IMMP2L: variants seen among roughly 807,000 people sequenced by gnomAD.
IMMP2L encodes the protein mitochondrial inner membrane protease subunit 2.
A neutral mutation model predicts 19.3 loss-of-function variants in IMMP2L; 18 were observed. That is an observed-to-expected ratio of 0.93 (90% CI 0.64 to 1.38). The LOEUF (loss-of-function observed/expected upper bound fraction) is 1.38, where lower values mean the gene tolerates loss of function less well. Among genes scored for constraint, IMMP2L ranks in the 40% most tolerant of loss-of-function variants. The probability of loss-of-function intolerance (pLI) is 0.00; values close to 1 mark genes in which losing one functional copy is unlikely to be tolerated. For synonymous variants in IMMP2L, 76 were observed against 73.0 expected, an observed-to-expected ratio of 1.04 and a Z score of -0.21; for missense variants, 233 against 218.2, an observed-to-expected ratio of 1.07 and a Z score of -0.43.
intron 3 of IMMP2L, among the ~76,000 whole-genome samples, chr7:111,067,063 T>C (rs1794574058): frequency 6.6e-6 from 1 of 152,214 alleles, no homozygotes; most frequent in Non-Finnish European, 1.5e-5. Flanking sequence ...GGAAAGACAA[T>C]GGAAACTTCA....
At chr7:111,486,487 A>G (rs1310987947) in intron 3 of IMMP2L, among the ~76,000 whole-genome samples, 1 of 152,128 alleles carries the variant, frequency 6.6e-6, no homozygotes, top group Non-Finnish European at 1.5e-5. Context: ...GCTACCCCTA[A>G]CTGGCATAAC....
chr7:111,128,739 C>T (rs540280295), intron 3 of IMMP2L, among the ~76,000 whole-genome samples: 3 of 152,190 alleles, frequency 2.0e-5, no homozygotes, highest in South Asian at 2.1e-4. Flanking sequence ...GCAGGAGAAT[C>T]GCTTGAATCT....
chr7:110,850,035 T>A (rs1806040627), intron 5 of IMMP2L, among the ~76,000 whole-genome samples: 1 of 151,960 alleles, frequency 6.6e-6, no homozygotes, highest in Admixed American at 6.6e-5. Flanking sequence ...ATGTAGAAGA[T>A]AATGAAATTT....
At chr7:111,157,824 CTA>C (rs1224903346) in intron 3 of IMMP2L, among the ~76,000 whole-genome samples, 1 of 152,000 alleles carries the variant, frequency 6.6e-6, no homozygotes, top group Non-Finnish European at 1.5e-5. Flanking sequence ...CCATATCAAA[CTA>C]TCTCATGTGC....
At chr7:111,250,205 T>C (rs888471721) in intron 3 of IMMP2L, among the ~76,000 whole-genome samples, 2 of 151,906 alleles carry the variant, frequency 1.3e-5, no homozygotes. Context: ...ACAAGAAAAG[T>C]GAAGGACCTC....
At chr7:111,281,172 A>C (rs183118225) in intron 3 of IMMP2L, among the ~76,000 whole-genome samples, 1,030 of 39,730 alleles carry the variant, frequency 0.026, 12 homozygotes, top group Middle Eastern at 0.038. Flanking sequence ...GAAAGAAAGA[A>C]AGAAAGAAAG....
At position 111,480,265 on chromosome 7, in the gene IMMP2L, A is replaced by G. The variant is rs1413374192; in HGVS notation, c.239+6973T>C. Among the ~76,000 whole-genome samples, 27 of 151,708 alleles carry G rather than the reference A, an allele frequency of 1.8e-4. 1 individual carries two copies. The highest frequency in any genetic ancestry group is 1.8e-3 in the Admixed American group (27 of 15,226). ...CGCCCAGCTAATTTTTTGTATTTTT[A>G]GTAGAGATGGGGTTTCACCGTAGCC... On this transcript the variant is annotated intron_variant, in intron 3 of 5. Transcript: ENST00000405709.
chr7:111,001,805 TATC>T (rs1301353314), intron 3 of IMMP2L, among the ~76,000 whole-genome samples: 3 of 152,172 alleles, frequency 2.0e-5, no homozygotes, highest in East Asian at 1.9e-4. Context: ...TTTCATCTGA[TATC>T]ATTCTCAAAA....
intron 3 of IMMP2L, among the ~76,000 whole-genome samples, chr7:111,096,645 T>G (rs566370837): frequency 1.3e-5 from 2 of 151,952 alleles, no homozygotes; most frequent in Admixed American, 1.3e-4. Context: ...GGCAAAGGTC[T>G]CAAAAACTGG....
intron 3 of IMMP2L, among the ~76,000 whole-genome samples, chr7:111,314,567 G>A (rs1385054303): frequency 6.6e-6 from 1 of 152,094 alleles, no homozygotes; most frequent in East Asian, 1.9e-4. Flanking sequence ...TTAGAAAGCT[G>A]TTCTAGTATA....
chr7:111,545,238 C>G (rs1848819243), intron 1 of IMMP2L, among the ~76,000 whole-genome samples: 1 of 152,118 alleles, frequency 6.6e-6, no homozygotes, highest in Non-Finnish European at 1.5e-5. Flanking sequence ...GGATGTGAGA[C>G]ACAATTTCAC....
At chr7:110,945,807 C>G (rs1421254959) in intron 4 of IMMP2L, among the ~76,000 whole-genome samples, 1 of 152,134 alleles carries the variant, frequency 6.6e-6, no homozygotes, top group Non-Finnish European at 1.5e-5. Flanking sequence ...GAATCAGACC[C>G]TTTACTTTAA....
chr7:111,206,981 T>C (rs1309665426), intron 3 of IMMP2L, among the ~76,000 whole-genome samples: 1 of 152,190 alleles, frequency 6.6e-6, no homozygotes, highest in Non-Finnish European at 1.5e-5. Context: ...GCTTCAACTC[T>C]TTCTGAATAA....
chr7:111,557,707 G>A (rs768804739), intron 1 of IMMP2L, among the ~76,000 whole-genome samples: 4 of 152,108 alleles, frequency 2.6e-5, no homozygotes, highest in Non-Finnish European at 1.5e-5. Flanking sequence ...CAAGATATCT[G>A]TAGTCCTACA....
At chr7:111,017,836 G>T (rs1295032699) in intron 3 of IMMP2L, among the ~76,000 whole-genome samples, 1 of 152,108 alleles carries the variant, frequency 6.6e-6, no homozygotes, top group South Asian at 2.1e-4. Context: ...AAACTACAGA[G>T]ACAATGTCAG....
chr7:110,968,825 T>TA (rs762236002), intron 3 of IMMP2L, among the ~76,000 whole-genome samples: 66 of 152,076 alleles, frequency 4.3e-4, no homozygotes, highest in Non-Finnish European at 3.4e-4. Context: ...AGAAAACGCA[T>TA]AAAAGGTCTA....
chr7:111,065,153 A>G lies in IMMP2L; in HGVS notation c.240-101588T>C, dbSNP rs1794375277. On this transcript the variant is annotated intron_variant, in intron 3 of 5. Coordinates refer to ENST00000405709, the MANE Select transcript of IMMP2L (RefSeq NM_032549.4). ...TCATGAGTATTTCCTTCTTTTGTTA[A>G]AAACATGTTTGTGCATGTATACACT... is the stretch of plus-strand genomic sequence containing the variant. 3.3e-5 allele frequency among the ~76,000 whole-genome samples: 5 copies of G among 152,322 alleles called. No individual in the cohort carries two copies. In the South Asian group the frequency reaches 1.0e-3, roughly 32 times the overall value.
intron 1 of IMMP2L, among the ~76,000 whole-genome samples, chr7:111,530,020 G>A (rs746878492): frequency 6.6e-6 from 1 of 152,144 alleles, no homozygotes; most frequent in Non-Finnish European, 1.5e-5. Flanking sequence ...TGGAAAAGCA[G>A]GCCCCATCCT....
chr7:111,315,651 C>A (rs1346900382), intron 3 of IMMP2L, among the ~76,000 whole-genome samples: 1 of 151,846 alleles, frequency 6.6e-6, no homozygotes, highest in Non-Finnish European at 1.5e-5. Flanking sequence ...TTCCTCACCG[C>A]CACGTAGTCT....
Sources: allele counts gnomAD v4.1 joint callset (sites outside exome capture counted in the v4.1 genomes callset), GRCh38; gene constraint gnomAD v4.1.1; transcripts MANE v1.5; gene names NCBI Gene and HGNC (gene_info 2026-07-23, HGNC 2026-07-21).